NPHS2: variants seen among roughly 807,000 people sequenced by gnomAD.
NPHS2 encodes the protein podocin.
Under a neutral mutation model 37.1 loss-of-function variants are expected in NPHS2, and 36 were observed. That is an observed-to-expected ratio of 0.97 (90% CI 0.74 to 1.28). NPHS2 has a LOEUF of 1.28. Ranked by LOEUF, NPHS2 falls within the 50% of genes most tolerant of loss-of-function variation. The pLI is 0.00. For synonymous variants in NPHS2, 196 were observed against 189.3 expected, an observed-to-expected ratio of 1.04 and a Z score of -0.29; for missense variants, 447 against 488.1, an observed-to-expected ratio of 0.92 and a Z score of 0.79.
intron 5 of NPHS2, among the ~76,000 whole-genome samples, chr1:179,555,066 G>A (rs1673848382): frequency 2.0e-5 from 3 of 152,088 alleles, no homozygotes; most frequent in African/African-American, 4.8e-5. Flanking sequence ...GCAAGGAAAC[G>A]GATTCTCCTC....
intron 1 of NPHS2, among the ~76,000 whole-genome samples, chr1:179,570,855 G>A (rs1674526214): frequency 6.6e-6 from 1 of 152,092 alleles, no homozygotes; most frequent in African/African-American, 2.4e-5. Flanking sequence ...TGATTGAATT[G>A]GCTATTGAAG....
intron 1 of NPHS2, among the ~76,000 whole-genome samples, chr1:179,573,988 C>G (rs1319640076): frequency 6.6e-6 from 1 of 152,148 alleles, no homozygotes; most frequent in Non-Finnish European, 1.5e-5. Context: ...TTTCATTTCT[C>G]CCGTCTTAAG....
intron 6 of NPHS2, among the ~76,000 whole-genome samples, chr1:179,552,971 A>T (rs1293081571): frequency 1.3e-5 from 2 of 152,246 alleles, no homozygotes; most frequent in African/African-American, 2.4e-5. Flanking sequence ...TCCGCTTAGG[A>T]TATAATCTAA....
At chr1:179,557,369 AC>A (rs1673975811) in intron 4 of NPHS2, 139 bp from the exon 5 acceptor site, 3 of 697,960 alleles carry the variant, frequency 4.3e-6, no homozygotes, top group Admixed American at 2.3e-5. Flanking sequence ...TTTAAAATAG[AC>A]ATGTTTTTGA....
chr1:179,559,635 C>T (rs1283404567), intron 4 of NPHS2, 44 bp downstream of exon 4: 11 of 1,262,834 alleles, frequency 8.7e-6, no homozygotes, highest in African/African-American at 3.0e-5. Flanking sequence ...GTAGGTAGAC[C>T]ATGGAAAATG....
chr1:179,558,055 T>G (rs1674001989), intron 4 of NPHS2, among the ~76,000 whole-genome samples: 1 of 152,136 alleles, frequency 6.6e-6, no homozygotes, highest in South Asian at 2.1e-4. Flanking sequence ...TTTCCCCAAT[T>G]TTGTTTATTG....
In NPHS2 at chr1:179,556,182, A is replaced by G. The variant is rs764091019; in HGVS notation, c.738+845T>C. 5.9e-5 allele frequency among the ~76,000 whole-genome samples: 9 copies of G among 152,240 alleles called. No individual in the cohort carries two copies. Among genetic ancestry groups the G allele is most frequent in the Non-Finnish European group, 1.3e-4 (9 of 68,040 alleles). ...GAGGGTGAAGGGGGACATCCCATAA[A>G]GCATAATTGCCACCAGTGCCTTTGA... On this transcript the variant is annotated intron_variant, in intron 5 of 7. Coordinates refer to ENST00000367615, the MANE Select transcript of NPHS2 (RefSeq NM_014625.4). This position sits in a 1 kb window ranked among gnomAD's most constrained non-coding sequence, Gnocchi z 4.1.
chr1:179,575,816 C>T lies in NPHS2; in HGVS notation c.49G>A (p.Gly17Ser). ...TTGTTCTCCTTGTGCGGAGTCCTGC[C>T]GCCTCGCCCGCGGGACTCCCTGGAG... ...SSSRESRGRG[G>S]RTPHKENKRA... The change falls in exon 1 of 8, where the codon GGC becomes AGC. Residue 17 changes from glycine (G) to serine (S), a missense_variant. Gly to Ser is a moderately conservative substitution (Grantham distance 56). Coordinates refer to ENST00000367615, the MANE Select transcript of NPHS2 (RefSeq NM_014625.4). 6.9e-7 allele frequency: 1 copy of T among 1,459,630 alleles called. No homozygotes were observed. Among genetic ancestry groups the T allele is most frequent in the South Asian group, 1.5e-5 (1 of 68,880 alleles). 90.4% of individuals were successfully genotyped at this position (1,459,630 alleles called of 1,614,324 possible).
chr1:179,575,526 C>A, intron 1 of NPHS2, 65 bp downstream of exon 1: 1 of 1,592,048 alleles, frequency 6.3e-7, no homozygotes, highest in Non-Finnish European at 8.5e-7. Flanking sequence ...TGACCCTTTC[C>A]ACCTTATCTG....
chr1:179,554,015 C>T (rs12736545), intron 6 of NPHS2, among the ~76,000 whole-genome samples: 30,736 of 150,572 alleles, frequency 0.2, 3,756 homozygotes, highest in Non-Finnish European at 0.27. Flanking sequence ...CGGGTTCAAG[C>T]GATTCTTCTG....
At chr1:179,554,667 C>A in intron 5 of NPHS2, 136 bp from the exon 6 acceptor site, 1 of 1,187,890 alleles carries the variant, frequency 8.4e-7, no homozygotes, top group Non-Finnish European at 1.2e-6. Flanking sequence ...TTGTATTTAA[C>A]TTCACAGTGC....
chr1:179,574,590 C>T (rs78432190), intron 1 of NPHS2, among the ~76,000 whole-genome samples: 1,900 of 152,274 alleles, frequency 0.012, 17 homozygotes, highest in Non-Finnish European at 0.019. Context: ...ACAGTATTAA[C>T]GTGACCCATT....
intron 4 of NPHS2, among the ~76,000 whole-genome samples, chr1:179,558,598 A>G (rs1449138435): frequency 6.6e-6 from 1 of 152,170 alleles, no homozygotes; most frequent in African/African-American, 2.4e-5. Context: ...GTATATATGC[A>G]GAAGTGGAAT....
At chr1:179,574,756 T>C (rs1297169792) in intron 1 of NPHS2, among the ~76,000 whole-genome samples, 1 of 152,214 alleles carries the variant, frequency 6.6e-6, no homozygotes, top group African/African-American at 2.4e-5. Context: ...TTAACACCTG[T>C]CATCCCACTA....
intron 1 of NPHS2, among the ~76,000 whole-genome samples, chr1:179,570,843 C>T (rs1198106584): frequency 6.6e-6 from 1 of 152,216 alleles, no homozygotes; most frequent in Non-Finnish European, 1.5e-5. Context: ...CTTTCTTCCA[C>T]TTGATTGAAT....
chr1:179,569,764 C>T (rs183788156), intron 1 of NPHS2, among the ~76,000 whole-genome samples: 3 of 152,180 alleles, frequency 2.0e-5, no homozygotes, highest in Non-Finnish European at 4.4e-5. Flanking sequence ...CAGCATTTTG[C>T]TTGTCTGTAA....
chr1:179,555,096 T>C lies in NPHS2; in HGVS notation c.739-565A>G, dbSNP rs75980056. Reference sequence around the variant, plus strand: ...CTCCTCTCAGAACCTCCAGAAGAAATTGGTCCAGCTGACACCTGGACTCTA... The same window carrying C: ...CTCCTCTCAGAACCTCCAGAAGAAACTGGTCCAGCTGACACCTGGACTCTA... On this transcript the variant is annotated intron_variant, in intron 5 of 7. Coordinates refer to ENST00000367615, the MANE Select transcript of NPHS2 (RefSeq NM_014625.4). 4.3e-3 allele frequency among the ~76,000 whole-genome samples: 652 copies of C among 152,226 alleles called. 3 individuals are homozygous for C. Among genetic ancestry groups the C allele is most frequent in the Non-Finnish European group, 8.4e-3 (572 of 68,010 alleles).
At chr1:179,562,988 T>C (rs140870683) in intron 2 of NPHS2, among the ~76,000 whole-genome samples, 46 of 152,308 alleles carry the variant, frequency 3.0e-4, no homozygotes, top group African/African-American at 8.9e-4. Flanking sequence ...AAACCATGGC[T>C]GAGTCAGTGT....
At chr1:179,564,874 G>T in intron 1 of NPHS2, 81 bp from the exon 2 acceptor site, 1 of 1,143,686 alleles carries the variant, frequency 8.7e-7, no homozygotes, top group Non-Finnish European at 1.3e-6. Flanking sequence ...TCCAATTCTT[G>T]GTATTGGAGT....
Sources: allele counts gnomAD v4.1 joint callset (sites outside exome capture counted in the v4.1 genomes callset), GRCh38; gene constraint gnomAD v4.1.1; non-coding constraint Gnocchi (gnomAD v3.1); transcripts MANE v1.5; gene names NCBI Gene and HGNC (gene_info 2026-07-23, HGNC 2026-07-21).